Variants in SAMM50 observed in about 807,000 individuals in gnomAD.
SAMM50 encodes SAMM50 sorting and assembly machinery component.
Under a neutral mutation model 66.9 loss-of-function variants are expected in SAMM50, and 47 were observed. The observed-to-expected ratio is 0.70, with a 90% confidence interval of 0.56 to 0.90. The LOEUF (loss-of-function observed/expected upper bound fraction) is 0.90, where lower values mean the gene tolerates loss of function less well. SAMM50 is among the 40% of genes least tolerant of loss of function. The pLI is 0.00. For synonymous variants in SAMM50, 191 were observed against 214.1 expected (o/e 0.89, Z 0.94); for missense variants, 535 against 595.3 (o/e 0.90, Z 1.05).
chr22:43,996,168 A>G, intron 14 of SAMM50, 170 bp from the exon 15 acceptor site: 1 of 736,468 alleles, frequency 1.4e-6, no homozygotes. Context: ...TAACCAGCAA[A>G]GGAGGAAGCA....
Position 43,990,142 on chromosome 22 carries a change from C to T in SAMM50, c.1223-123C>T. On this transcript the variant is annotated intron_variant, in intron 13 of 14. Coordinates refer to ENST00000350028, the MANE Select transcript of SAMM50 (RefSeq NM_015380.5). The stretch of plus-strand genomic sequence containing the variant: ...TCACTTCATGCATCCTCCCTAATCT[C>T]TAGGCCTGGCTTTAAAAACAACTGC... 12 of 1,120,614 alleles carry T rather than the reference C, an allele frequency of 1.1e-5. No individual in the cohort carries two copies. In the South Asian group the frequency reaches 1.8e-4, roughly 17 times the overall value. 69.4% of individuals were successfully genotyped at this position (1,120,614 alleles called of 1,614,324 possible).
In SAMM50 at chr22:43,990,316, C is replaced by T. The variant is rs2050316801; in HGVS notation, c.1274C>T (p.Ser425Leu). ...AAGCTGGCTGAGTGCATCCGCTGGT[C>T]GTACGGGGCCGGGATTGTCCTCAGG... Reference protein sequence around the residue: ...IRKLAECIRWSYGAGIVLRLG... With the variant: ...IRKLAECIRWLYGAGIVLRLG... The change falls in exon 14 of 15, where the codon TCG becomes TTG. Residue 425 changes from serine to leucine, a missense_variant. By Grantham distance (145) the Ser-to-Leu change is moderately radical (BLOSUM62 -2). Transcript: ENST00000350028. 3.7e-6 allele frequency: 6 copies of T among 1,614,130 alleles called. No individual in the cohort carries two copies. Among genetic ancestry groups the T allele is most frequent in the Non-Finnish European group, 5.1e-6 (6 of 1,180,024 alleles).
chr22:43,983,782 C>G lies in SAMM50; in HGVS notation c.1008-151C>G. 1.7e-6 allele frequency: 1 copy of G among 585,682 alleles called. No homozygotes were observed. Among genetic ancestry groups the G allele is most frequent in the South Asian group, 2.2e-5 (1 of 44,644 alleles). The allele number at this position is 585,682 out of a possible 1,614,324, so 36.3% of individuals were successfully genotyped here. On this transcript the variant is annotated intron_variant, in intron 11 of 14. Transcript: ENST00000350028. The surrounding 1 kb of genome is among the most constrained non-coding windows in gnomAD (Gnocchi z 4.2). ...GAAATTCCCCTGTAGTGTGCACCCT[C>G]TTGGTCTTTCTCAAAGGTTTTGCCT...
At chr22:43,996,219 G>GGCA in intron 14 of SAMM50, 119 bp from the exon 15 acceptor site, 1 of 1,092,502 alleles carries the variant, frequency 9.2e-7, no homozygotes, top group South Asian at 1.3e-5. Flanking sequence ...CAGGCAGGAA[G>GGCA]GCAGCAGGAG....
At chr22:43,974,228 C>G (rs1198466132) in intron 7 of SAMM50, among the ~76,000 whole-genome samples, 1 of 152,174 alleles carries the variant, frequency 6.6e-6, no homozygotes, top group East Asian at 1.9e-4. Flanking sequence ...GTCCGACTCA[C>G]AGAGAGTGGG....
chr22:43,986,085 C>T (rs2050291686), intron 12 of SAMM50, among the ~76,000 whole-genome samples: 1 of 144,180 alleles, frequency 6.9e-6, no homozygotes, highest in Non-Finnish European at 1.5e-5. Context: ...CTCTGTTGCC[C>T]AGACTGGAGT....
intron 3 of SAMM50, among the ~76,000 whole-genome samples, chr22:43,966,211 G>A (rs184362297): frequency 6.6e-6 from 1 of 152,254 alleles, no homozygotes; most frequent in East Asian, 1.9e-4. Context: ...AAACAATGCT[G>A]TACTAAACAT....
At chr22:43,995,317 G>A (rs1001931178) in intron 14 of SAMM50, 8 of 152,224 alleles carry the variant, frequency 5.3e-5, no homozygotes, top group African/African-American at 1.4e-4. Context: ...ACTTGCCGCC[G>A]GTGTGCATGT....
At chr22:43,995,467 A>G (rs2050348121) in intron 14 of SAMM50, 1 of 152,212 alleles carries the variant, frequency 6.6e-6, no homozygotes, top group African/African-American at 2.4e-5. Context: ...AGGAGTCTGA[A>G]TATCATTTTC....
chr22:43,984,653 G>C (rs2050282617), intron 12 of SAMM50, among the ~76,000 whole-genome samples: 1 of 148,786 alleles, frequency 6.7e-6, no homozygotes, highest in Non-Finnish European at 1.5e-5. Context: ...TTTTGAGACA[G>C]AGTCTCGCTC....
chr22:43,975,060 C>T (rs187245949), intron 7 of SAMM50: 23 of 152,274 alleles, frequency 1.5e-4, no homozygotes, highest in Admixed American at 1.2e-3. Context: ...GGGCCCATGT[C>T]AGGCCTTCTA....
At chr22:43,990,709 G>A (rs2050319810) in intron 14 of SAMM50, among the ~76,000 whole-genome samples, 1 of 152,012 alleles carries the variant, frequency 6.6e-6, no homozygotes, top group African/African-American at 2.4e-5. Context: ...TGGTTCCTGT[G>A]TGCTGAAAAC....
At chr22:43,966,244 TGAC>T (rs2050172661) in intron 3 of SAMM50, among the ~76,000 whole-genome samples, 1 of 152,242 alleles carries the variant, frequency 6.6e-6, no homozygotes, top group South Asian at 2.1e-4. Flanking sequence ...TTGTGTACAT[TGAC>T]TGTGTTTTAG....
At chr22:43,975,018 A>T (rs1416354951) in intron 7 of SAMM50, 1 of 152,156 alleles carries the variant, frequency 6.6e-6, no homozygotes, top group African/African-American at 2.4e-5. Flanking sequence ...CTCCTAGAGG[A>T]ACGGACCAGA....
At chr22:43,970,657 AGT>A (rs2050198636) in intron 4 of SAMM50, among the ~76,000 whole-genome samples, 4 of 152,106 alleles carry the variant, frequency 2.6e-5, no homozygotes, top group Admixed American at 2.6e-4. Flanking sequence ...GGTGTTAGTA[AGT>A]GTGTGTCGGG....
intron 12 of SAMM50, among the ~76,000 whole-genome samples, chr22:43,986,190 C>T (rs557957142): frequency 5.3e-5 from 8 of 151,360 alleles, no homozygotes; most frequent in Admixed American, 1.3e-4. Context: ...TACAGGTGCC[C>T]GCCACCATGC....
At chr22:43,955,948 C>G (rs2050117096) in intron 1 of SAMM50, among the ~76,000 whole-genome samples, 1 of 152,218 alleles carries the variant, frequency 6.6e-6, no homozygotes, top group Non-Finnish European at 1.5e-5. Flanking sequence ...CAGCCTTTCC[C>G]CGCTCAGCCG....
At chr22:43,977,423 T>C (rs2050238329) in intron 9 of SAMM50, among the ~76,000 whole-genome samples, 2 of 152,292 alleles carry the variant, frequency 1.3e-5, no homozygotes, top group Non-Finnish European at 2.9e-5. Flanking sequence ...CTACCCTCGC[T>C]CTGGCCGGTG....
In SAMM50 at chr22:43,996,416, G is replaced by C. The variant is rs1453987206; in HGVS notation, c.*33G>C. 3.1e-6 allele frequency: 5 copies of C among 1,610,514 alleles called. No homozygotes were observed. The highest frequency in any genetic ancestry group is 3.4e-6 in the Non-Finnish European group (4 of 1,176,694). On this transcript the variant is annotated 3_prime_UTR_variant, in exon 15 of 15. Coordinates refer to ENST00000350028, the MANE Select transcript of SAMM50 (RefSeq NM_015380.5). ...CCCTACAGGAGAAGCTCTGGGACTGGGGCAGCAGCAAGGCGCCCATGCCAC... is the reference window on the plus strand; with the variant it reads ...CCCTACAGGAGAAGCTCTGGGACTGCGGCAGCAGCAAGGCGCCCATGCCAC...
Sources: allele counts gnomAD v4.1 joint callset (sites outside exome capture counted in the v4.1 genomes callset), GRCh38; gene constraint gnomAD v4.1.1; non-coding constraint Gnocchi (gnomAD v3.1); transcripts MANE v1.5; gene names NCBI Gene and HGNC (gene_info 2026-07-23, HGNC 2026-07-21).